ZNF773: variants seen among roughly 807,000 people sequenced by gnomAD.
ZNF773 encodes zinc finger protein 419B.
Under a neutral mutation model 12.8 loss-of-function variants are expected in ZNF773, and 11 were observed. The observed-to-expected ratio is 0.86, with a 90% CI of 0.54 to 1.42. The LOEUF (loss-of-function observed/expected upper bound fraction) is 1.42. ZNF773 is among the 40% of genes most tolerant of loss of function. The probability of loss-of-function intolerance (pLI) is 0.00; values close to 1 mark genes in which losing one functional copy is unlikely to be tolerated. For synonymous variants in ZNF773, 175 were observed against 178.4 expected (o/e 0.98, Z 0.15); for missense variants, 518 against 527.2 (o/e 0.98, Z 0.17).
chr19:57,512,991 T>A (rs767987086), downstream of ZNF773: 20 of 1,529,198 alleles, frequency 1.3e-5, no homozygotes, highest in Non-Finnish European at 1.8e-5. Context: ...TCTTTTTGTC[T>A]TCATTTCTGC....
At chr19:57,508,334 C>A, downstream of ZNF773, 1 of 653,430 alleles carries the variant, frequency 1.5e-6, no homozygotes, top group Non-Finnish European at 1.9e-6. Context: ...ATTGGCTGCA[C>A]CAGTCGAATG....
Position 57,506,369 on chromosome 19 carries a change from G to GGAGCCAAGGCT in ZNF773, c.278_288dup (p.Ala97ProfsTer13). The GGAGCCAAGGCT allele has an allele frequency of 1.2e-6, 2 of 1,602,128 alleles. No individual in the cohort carries two copies. The highest frequency in any genetic ancestry group is 8.5e-7 in the Non-Finnish European group (1 of 1,176,044). Reference sequence around the variant, plus strand: ...TTCTCTTCTTTCAGGTAGTTGGCAAGGAGCCAAGGCTGAGGCAGCTGCTGA... The same window carrying GGAGCCAAGGCT: ...TTCTCTTCTTTCAGGTAGTTGGCAAGGAGCCAAGGCTGAGCCAAGGCTGAGGCAGCTGCTGA... On this transcript the variant is annotated frameshift_variant, in exon 4 of 4. Coordinates refer to ENST00000282292, the MANE Select transcript of ZNF773 (RefSeq NM_198542.3). LOFTEE classifies it low-confidence loss of function (END_TRUNC).
downstream of ZNF773, among the ~76,000 whole-genome samples, chr19:57,510,433 T>C (rs1046886520): frequency 5.3e-5 from 8 of 152,222 alleles, no homozygotes; most frequent in African/African-American, 1.9e-4. Flanking sequence ...ACATTTGATA[T>C]ATATGTGATC....
chr19:57,500,071 A>G lies in ZNF773; in HGVS notation c.-10A>G, dbSNP rs1279516132. On this transcript the variant is annotated 5_prime_UTR_variant, in exon 1 of 4. Coordinates refer to ENST00000282292, the MANE Select transcript of ZNF773 (RefSeq NM_198542.3). ...TTTCCTCGGTCGTTGTCTCACCGCC[A>G]CAGGCTCCGATGGCGGCGGCCACGC... 3 of 1,599,988 alleles carry G rather than the reference A, an allele frequency of 1.9e-6. No homozygotes were observed. Among genetic ancestry groups the G allele is most frequent in the Non-Finnish European group, 2.6e-6 (3 of 1,174,892 alleles).
chr19:57,511,059 T>A (rs541095112), downstream of ZNF773, among the ~76,000 whole-genome samples: 4,927 of 148,692 alleles, frequency 0.033, 143 homozygotes, highest in African/African-American at 0.069. Flanking sequence ...TTATTTATTT[T>A]TTTTTTTTTT....
At chr19:57,502,681 T>TTTG (rs2089683558) in intron 1 of ZNF773, among the ~76,000 whole-genome samples, 1 of 152,012 alleles carries the variant, frequency 6.6e-6, no homozygotes, top group Non-Finnish European at 1.5e-5. Flanking sequence ...GTCTGCGTTT[T>TTTG]TTTTGTTTTG....
At chr19:57,517,901 C>T (rs1431244130), downstream of ZNF773, 1 of 152,410 alleles carries the variant, frequency 6.6e-6, no homozygotes, top group Non-Finnish European at 1.5e-5. Context: ...AACCCTTGGA[C>T]CTACTTCAAA....
chr19:57,502,827 A>G (rs2089685149), intron 1 of ZNF773, among the ~76,000 whole-genome samples: 1 of 152,048 alleles, frequency 6.6e-6, no homozygotes, highest in South Asian at 2.1e-4. Flanking sequence ...AGTAGCTGGG[A>G]CTACAGGCAC....
Position 57,500,097 on chromosome 19 carries a change from T to G in ZNF773, c.17T>G (p.Leu6Arg). The change falls in exon 1 of 4, where the codon CTG becomes CGG. Residue 6 changes from leucine (L) to arginine (R), a missense_variant. Coordinates refer to ENST00000282292, the MANE Select transcript of ZNF773 (RefSeq NM_198542.3). The part of the protein sequence containing the change: MAAAT[L>R]RDPAQQGYVT... The stretch of plus-strand genomic sequence containing the variant: ...CAGGCTCCGATGGCGGCGGCCACGC[T>G]GAGGGACCCCGCTCAGGTGAGCGCC... 4 of 1,605,740 alleles carry G rather than the reference T, an allele frequency of 2.5e-6. No homozygotes were observed. Among genetic ancestry groups the G allele is most frequent in the Non-Finnish European group, 3.4e-6 (4 of 1,177,632 alleles).
At chr19:57,510,534 G>A (rs1189753619), downstream of ZNF773, among the ~76,000 whole-genome samples, 1 of 152,032 alleles carries the variant, frequency 6.6e-6, no homozygotes, top group African/African-American at 2.4e-5. Flanking sequence ...AAAGTCTTAA[G>A]ATTGTAAAGG....
chr19:57,511,755 TCAAAA>T (rs2089797961), downstream of ZNF773, among the ~76,000 whole-genome samples: 1 of 149,620 alleles, frequency 6.7e-6, no homozygotes, highest in Non-Finnish European at 1.5e-5. Flanking sequence ...ATACACACAC[TCAAAA>T]CTAAAATGTC....
downstream of ZNF773, among the ~76,000 whole-genome samples, chr19:57,510,384 C>CA (rs2089785295): frequency 1.3e-5 from 2 of 148,696 alleles, no homozygotes; most frequent in Non-Finnish European, 3.0e-5. Context: ...TTTCTTCCAC[C>CA]TGATACAGCA....
At chr19:57,513,758 AAGTC>A (rs1251807386), downstream of ZNF773, 1 of 152,240 alleles carries the variant, frequency 6.6e-6, no homozygotes, top group Non-Finnish European at 1.5e-5. Context: ...AATACCAAAA[AAGTC>A]AGGAAAATGG....
chr19:57,513,046 C>T (rs777949200), downstream of ZNF773: 76 of 1,561,672 alleles, frequency 4.9e-5, 1 homozygote, highest in Non-Finnish European at 6.3e-5. Flanking sequence ...CCACAAGTGG[C>T]GCCCGAACAG....
chr19:57,516,944 T>C (rs1376361607), downstream of ZNF773: 1 of 152,246 alleles, frequency 6.6e-6, no homozygotes, highest in African/African-American at 2.4e-5. Flanking sequence ...ACAACTTGCT[T>C]GGCACAGAAT....
chr19:57,516,203 G>T (rs571707070), downstream of ZNF773: 1 of 155,972 alleles, frequency 6.4e-6, no homozygotes, highest in South Asian at 1.8e-4. Flanking sequence ...AACAAGGACC[G>T]ACTGGAGTCA....
At chr19:57,508,518 A>C (rs543475569), downstream of ZNF773, 4 of 700,960 alleles carry the variant, frequency 5.7e-6, no homozygotes, top group East Asian at 5.4e-5. Flanking sequence ...AATTTTCACC[A>C]GTTTGGCTGC....
At chr19:57,512,400 A>ATT (rs747914066), downstream of ZNF773, among the ~76,000 whole-genome samples, 1,676 of 113,200 alleles carry the variant, frequency 0.015, 67 homozygotes, top group East Asian at 0.04. Flanking sequence ...AAGATGCAGT[A>ATT]TTTTTTTTTT....
In ZNF773 at chr19:57,502,723, G is replaced by A. The variant is rs1376158481; in HGVS notation, c.34-1934G>A. On this transcript the variant is annotated intron_variant, in intron 1 of 3. Coordinates refer to ENST00000282292, the MANE Select transcript of ZNF773 (RefSeq NM_198542.3). Reference sequence around the variant, plus strand: ...TTTTGTTTTTTTGAGATGGAGTCTCGCTCTGTCGCCCAGGCTGGAGTGCAG... The same window carrying A: ...TTTTGTTTTTTTGAGATGGAGTCTCACTCTGTCGCCCAGGCTGGAGTGCAG... Among the ~76,000 whole-genome samples, 7 of 151,966 alleles carry A rather than the reference G, an allele frequency of 4.6e-5. No individual in the cohort carries two copies. In the South Asian group the frequency reaches 6.2e-4, roughly 14 times the overall value.
Sources: gnomAD v4.1 joint callset for allele counts (sites outside exome capture counted in the v4.1 genomes callset) on GRCh38, gnomAD v4.1.1 for gene constraint, MANE v1.5 for transcripts, NCBI Gene and HGNC (gene_info 2026-07-23, HGNC 2026-07-21) for gene names.